The following NSD1 variants were observed in gnomAD, a reference collection of about 807,000 sequenced individuals.
NSD1 encodes the protein nuclear receptor binding SET domain protein 1.
NSD1 carries 26 observed loss-of-function variants against 242.7 expected under a neutral mutation model. The ratio of observed to expected loss-of-function variants is 0.11; its 90% CI spans 0.08 to 0.15. The LOEUF (loss-of-function observed/expected upper bound fraction) is 0.15, where lower values mean the gene tolerates loss of function less well. Ranked by LOEUF, NSD1 falls within the 10% of genes least tolerant of loss-of-function variation. The pLI is 1.00. For synonymous variants in NSD1, 1,106 were observed against 1,178.1 expected (o/e 0.94, Z 1.25); for missense variants, 2,495 against 3,272.8 (o/e 0.76, Z 5.80).
chr5:177,142,762 C>G (rs1756931482), intron 2 of NSD1, among the ~76,000 whole-genome samples: 1 of 152,010 alleles, frequency 6.6e-6, no homozygotes, highest in Non-Finnish European at 1.5e-5. Context: ...TGTAAAATTA[C>G]TTCCTACTTC....
intron 14 of NSD1, among the ~76,000 whole-genome samples, chr5:177,267,260 A>G (rs970224000): frequency 6.6e-6 from 1 of 152,190 alleles, no homozygotes; most frequent in Non-Finnish European, 1.5e-5. Context: ...TGAATCTTCA[A>G]ACAGATGTGG....
At position 177,298,841 on chromosome 5, in the gene NSD1, G is replaced by GT. The variant is rs1001809227; in HGVS notation, c.*3386dup. 1.7e-5 allele frequency: 4 copies of GT among 233,040 alleles called. No homozygotes were observed. Among genetic ancestry groups the GT allele is most frequent in the Non-Finnish European group, 3.4e-5 (4 of 117,982 alleles). 14.4% of individuals were successfully genotyped at this position (233,040 alleles called of 1,614,324 possible). On this transcript the variant is annotated 3_prime_UTR_variant, in exon 23 of 23. Coordinates refer to ENST00000439151, the MANE Select transcript of NSD1 (RefSeq NM_022455.5). ...TGAGGACAGCATGAAACTTGGATAG[G>GT]TTTTACCCTTAGTCCCTATAAGGTG...
At chr5:177,162,056 G>A (rs148588874) in intron 2 of NSD1, among the ~76,000 whole-genome samples, 3,476 of 152,180 alleles carry the variant, frequency 0.023, 55 homozygotes, top group South Asian at 0.053. Context: ...TCAGCACTTT[G>A]GGAGGCTGAG....
chr5:177,152,309 T>TTGTG (rs34710422), intron 2 of NSD1, among the ~76,000 whole-genome samples: 64 of 145,458 alleles, frequency 4.4e-4, no homozygotes, highest in Admixed American at 6.3e-4. Flanking sequence ...CCGAGCCAGG[T>TTGTG]TGTGTGTGTG....
chr5:177,191,516 C>T (rs1761694942), intron 2 of NSD1, among the ~76,000 whole-genome samples: 2 of 151,928 alleles, frequency 1.3e-5, no homozygotes, highest in Non-Finnish European at 1.5e-5. Flanking sequence ...AATTTTTTCT[C>T]CATTTTTTTT....
At chr5:177,263,466 C>G (rs1757150346) in intron 14 of NSD1, among the ~76,000 whole-genome samples, 1 of 152,182 alleles carries the variant, frequency 6.6e-6, no homozygotes, top group Non-Finnish European at 1.5e-5. Context: ...CAAACCAATA[C>G]AAGTAAGCAG....
chr5:177,146,393 A>G (rs1378959849), intron 2 of NSD1, among the ~76,000 whole-genome samples: 2 of 151,378 alleles, frequency 1.3e-5, no homozygotes, highest in Non-Finnish European at 1.5e-5. Context: ...TTTAGTAGAG[A>G]CGGTGTTTCA....
chr5:177,186,023 T>TACA (rs1761172884), intron 2 of NSD1, among the ~76,000 whole-genome samples: 1 of 103,406 alleles, frequency 9.7e-6, no homozygotes. Flanking sequence ...ATATTATATA[T>TACA]TATATATTTT....
chr5:177,277,431 A>G (rs1246488761), intron 17 of NSD1, among the ~76,000 whole-genome samples: 1 of 152,122 alleles, frequency 6.6e-6, no homozygotes, highest in East Asian at 1.9e-4. Context: ...ACATGTGGAG[A>G]TCTATGGCCT....
chr5:177,299,157 T>A lies in NSD1; in HGVS notation c.*3698T>A, dbSNP rs768774151. On this transcript the variant is annotated 3_prime_UTR_variant, in exon 23 of 23. Transcript: ENST00000439151. Reference sequence around the variant, plus strand: ...GCTATAGTGTAAATTGAAATAAGAATAGATCATTGTTTTGTACACACACAC... The same window carrying A: ...GCTATAGTGTAAATTGAAATAAGAAAAGATCATTGTTTTGTACACACACAC... 11 of 233,116 alleles carry A rather than the reference T, an allele frequency of 4.7e-5. No individual in the cohort carries two copies. The highest frequency in any genetic ancestry group is 9.3e-5 in the Non-Finnish European group (11 of 118,014). The allele number at this position is 233,116 out of a possible 1,614,324, so 14.4% of individuals were successfully genotyped here.
chr5:177,205,279 A>G (rs1581296579), intron 4 of NSD1, among the ~76,000 whole-genome samples: 1 of 151,584 alleles, frequency 6.6e-6, no homozygotes. Flanking sequence ...CAGGTGATCA[A>G]CTCGCCTCAG....
At chr5:177,255,885 T>A (rs1756408911) in intron 12 of NSD1, among the ~76,000 whole-genome samples, 1 of 152,168 alleles carries the variant, frequency 6.6e-6, no homozygotes, top group African/African-American at 2.4e-5. Context: ...TTTGACTTTT[T>A]ATTACAAAAA....
rs1416326011 is a variant in NSD1, at chr5:177,298,306, G to C, written c.*2847G>C. The C allele has an allele frequency of 4.3e-6, 1 of 233,168 alleles. No homozygotes were observed. Among genetic ancestry groups the C allele is most frequent in the South Asian group, 1.8e-4 (1 of 5,524 alleles). 14.4% of individuals were successfully genotyped at this position (233,168 alleles called of 1,614,324 possible). On this transcript the variant is annotated 3_prime_UTR_variant, in exon 23 of 23. Transcript: ENST00000439151. ...ATGTGCTTGGAAATTGAGATCTCAA[G>C]AGTGTTTGCCTTGGAGCCAGCTCCC...
intron 18 of NSD1, 21 bp downstream of exon 18, chr5:177,280,855 C>T (rs1206476219): frequency 6.2e-7 from 1 of 1,613,004 alleles, no homozygotes; most frequent in Non-Finnish European, 8.5e-7. Context: ...GCTAAATTAC[C>T]ATATACTTTC....
chr5:177,275,681 C>T (rs1197425948), intron 17 of NSD1, among the ~76,000 whole-genome samples: 1 of 152,050 alleles, frequency 6.6e-6, no homozygotes, highest in African/African-American at 2.4e-5. Flanking sequence ...GATCGGCCTG[C>T]CTTAGCCTCC....
At chr5:177,213,876 T>C (rs1581334323) in intron 5 of NSD1, among the ~76,000 whole-genome samples, 6 of 152,346 alleles carry the variant, frequency 3.9e-5, no homozygotes, top group Admixed American at 3.9e-4. Context: ...CCTTACTTAG[T>C]TTAATGTTTT....
At chr5:177,136,768 A>G in intron 2 of NSD1, 1 of 542,830 alleles carries the variant, frequency 1.8e-6, no homozygotes, top group Non-Finnish European at 3.3e-6. Flanking sequence ...TAATTTTTGT[A>G]TCACCATTAG....
intron 20 of NSD1, among the ~76,000 whole-genome samples, chr5:177,285,428 G>A (rs1172580294): frequency 6.6e-6 from 1 of 151,914 alleles, no homozygotes; most frequent in Admixed American, 6.6e-5. Context: ...GCCGGACGTG[G>A]TGGCAGGCGC....
chr5:177,152,319 GTGTATGTATGTATGTATGTA>G (rs57114836), intron 2 of NSD1, among the ~76,000 whole-genome samples: 4 of 128,126 alleles, frequency 3.1e-5, no homozygotes, highest in Non-Finnish European at 7.1e-5. Flanking sequence ...TTGTGTGTGT[GTGTATGTATGTATGTATGTA>G]TGTATGTATG....
Sources: gnomAD v4.1 joint callset for allele counts (sites outside exome capture counted in the v4.1 genomes callset) on GRCh38, gnomAD v4.1.1 for gene constraint, MANE v1.5 for transcripts, NCBI Gene and HGNC (gene_info 2026-07-23, HGNC 2026-07-21) for gene names.